CTNND2: variants seen among roughly 807,000 people sequenced by gnomAD.
CTNND2 encodes the protein catenin delta-2.
CTNND2 carries 22 observed loss-of-function variants against 144.4 expected under a neutral mutation model. That is an observed-to-expected ratio of 0.15 (90% confidence interval 0.11 to 0.22). The LOEUF (loss-of-function observed/expected upper bound fraction) is 0.22, where lower values mean the gene tolerates loss of function less well. Ranked by LOEUF, CTNND2 falls within the 10% of genes least tolerant of loss-of-function variation. The probability of loss-of-function intolerance (pLI) is 1.00; values close to 1 mark genes in which losing one functional copy is unlikely to be tolerated. For missense variants in CTNND2, 1,353 were observed against 1,618.8 expected (o/e 0.84, Z 2.82); for synonymous variants, 751 against 695.6 (o/e 1.08, Z -1.25).
intron 8 of CTNND2, among the ~76,000 whole-genome samples, chr5:11,351,327 C>T (rs1277767766): frequency 6.6e-6 from 1 of 152,182 alleles, no homozygotes; most frequent in Non-Finnish European, 1.5e-5. Flanking sequence ...GCTCTACAAA[C>T]AGCCCCTTTT....
intron 1 of CTNND2, among the ~76,000 whole-genome samples, chr5:11,873,284 A>C (rs1263228662): frequency 6.6e-6 from 1 of 152,214 alleles, no homozygotes; most frequent in Non-Finnish European, 1.5e-5. Flanking sequence ...AAAATTTAAT[A>C]TAATGATATG....
intron 20 of CTNND2, among the ~76,000 whole-genome samples, chr5:10,984,246 C>G (rs1249583080): frequency 6.6e-6 from 1 of 152,150 alleles, no homozygotes; most frequent in African/African-American, 2.4e-5. Context: ...ATCCTCAGAA[C>G]CTGGCACAGC....
At chr5:11,105,121 C>T (rs1752299566) in intron 14 of CTNND2, among the ~76,000 whole-genome samples, 1 of 152,184 alleles carries the variant, frequency 6.6e-6, no homozygotes, top group African/African-American at 2.4e-5. Flanking sequence ...GTGATGGAAC[C>T]AACTGGGGCA....
At chr5:11,507,487 T>C (rs1771177321) in intron 3 of CTNND2, among the ~76,000 whole-genome samples, 1 of 152,188 alleles carries the variant, frequency 6.6e-6, no homozygotes, top group Admixed American at 6.6e-5. Flanking sequence ...GATTTCCTCC[T>C]TCCTCCGTTG....
chr5:11,705,480 T>A (rs1483673878), intron 2 of CTNND2, among the ~76,000 whole-genome samples: 1 of 152,212 alleles, frequency 6.6e-6, no homozygotes, highest in Non-Finnish European at 1.5e-5. Context: ...TATATGTATA[T>A]GTGGGCATAT....
chr5:11,147,707 G>A (rs376264222), intron 12 of CTNND2, among the ~76,000 whole-genome samples: 4 of 123,268 alleles, frequency 3.2e-5, no homozygotes, highest in East Asian at 5.4e-4. Context: ...AACATGAAAC[G>A]AAGGTAATGT....
intron 9 of CTNND2, among the ~76,000 whole-genome samples, chr5:11,312,760 T>C (rs1289579364): frequency 9.1e-6 from 1 of 110,250 alleles, no homozygotes; most frequent in Non-Finnish European, 2.1e-5. Flanking sequence ...CACAGAAACA[T>C]GCTCTTACAC....
intron 1 of CTNND2, among the ~76,000 whole-genome samples, chr5:11,836,868 T>A (rs548361125): frequency 6.8e-4 from 104 of 152,298 alleles, no homozygotes; most frequent in African/African-American, 2.5e-3. Context: ...TTCAGGGGGA[T>A]GGGATGAAAG....
chr5:11,447,328 G>A (rs1423478270), intron 3 of CTNND2, among the ~76,000 whole-genome samples: 1 of 150,804 alleles, frequency 6.6e-6, no homozygotes, highest in East Asian at 1.9e-4. Context: ...GGCAACAGAG[G>A]GAGATGCCGT....
intron 15 of CTNND2, among the ~76,000 whole-genome samples, chr5:11,087,351 C>G (rs540976187): frequency 6.6e-6 from 1 of 152,236 alleles, no homozygotes; most frequent in South Asian, 2.1e-4. Flanking sequence ...AAAAACAATG[C>G]ATAAAATATT....
At chr5:11,867,071 G>A (rs1035556975) in intron 1 of CTNND2, among the ~76,000 whole-genome samples, 1 of 152,176 alleles carries the variant, frequency 6.6e-6, no homozygotes, top group African/African-American at 2.4e-5. Flanking sequence ...TCTGATCCAA[G>A]CTCACATTTT....
chr5:11,111,181 C>A, intron 13 of CTNND2, 138 bp from the exon 14 acceptor site: 1 of 846,142 alleles, frequency 1.2e-6, no homozygotes, highest in Non-Finnish European at 1.8e-6. Context: ...TGAAAGCTCC[C>A]CTGATGGCCA....
intron 2 of CTNND2, among the ~76,000 whole-genome samples, chr5:11,720,920 T>C (rs761980325): frequency 6.6e-6 from 1 of 152,166 alleles, no homozygotes; most frequent in East Asian, 1.9e-4. Context: ...CTTCAGAATG[T>C]TAACCTAGTG....
intron 10 of CTNND2, among the ~76,000 whole-genome samples, chr5:11,206,921 C>A (rs1339092804): frequency 6.6e-6 from 1 of 152,188 alleles, no homozygotes; most frequent in Non-Finnish European, 1.5e-5. Context: ...TCTCTGACTA[C>A]TATCCTATCT....
At chr5:11,880,166 A>G (rs951143084) in intron 1 of CTNND2, among the ~76,000 whole-genome samples, 1 of 152,154 alleles carries the variant, frequency 6.6e-6, no homozygotes, top group Non-Finnish European at 1.5e-5. Flanking sequence ...TTATTCAATT[A>G]TAAAATATTT....
chr5:11,599,021 G>A (rs1196605736), intron 2 of CTNND2, among the ~76,000 whole-genome samples: 1 of 152,114 alleles, frequency 6.6e-6, no homozygotes, highest in Non-Finnish European at 1.5e-5. Context: ...GAGCAAGCAG[G>A]GAACTGCCAC....
At chr5:11,494,778 C>A (rs1446712115) in intron 3 of CTNND2, among the ~76,000 whole-genome samples, 1 of 152,088 alleles carries the variant, frequency 6.6e-6, no homozygotes, top group South Asian at 2.1e-4. Context: ...ATGTTCCATG[C>A]TTTATTGAGG....
chr5:11,262,761 C>CAAAAAAAAAAAAAAAAAAAAAAAA (rs11289676), intron 9 of CTNND2, among the ~76,000 whole-genome samples: 19 of 45,690 alleles, frequency 4.2e-4, no homozygotes, highest in Non-Finnish European at 4.4e-4. Context: ...GACTCTGTCT[C>CAAAAAAAAAAAAAAAAAAAAAAAA]AAAAAAAAAA....
chr5:11,350,499 A>T (rs923147201), intron 8 of CTNND2, among the ~76,000 whole-genome samples: 11 of 152,170 alleles, frequency 7.2e-5, no homozygotes, highest in Non-Finnish European at 1.6e-4. Context: ...TTATATATTT[A>T]AAAAAATCAC....
Sources: allele counts gnomAD v4.1 joint callset (sites outside exome capture counted in the v4.1 genomes callset), GRCh38; gene constraint gnomAD v4.1.1; transcripts MANE v1.5; gene names NCBI Gene and HGNC (gene_info 2026-07-23, HGNC 2026-07-21).